CA10: variants seen among roughly 807,000 people sequenced by gnomAD.
The protein encoded by CA10 is carbonic anhydrase-related protein 10.
A neutral mutation model predicts 44.2 loss-of-function variants in CA10; 14 were observed. The ratio of observed to expected loss-of-function variants is 0.32; its 90% CI spans 0.21 to 0.50. CA10 has a LOEUF of 0.50. CA10 is among the 20% of genes least tolerant of loss of function. The pLI is 0.99. For missense variants in CA10, 350 were observed against 409.7 expected, an observed-to-expected ratio of 0.85 and a Z score of 1.26; for synonymous variants, 159 against 141.6, an observed-to-expected ratio of 1.12 and a Z score of -0.87.
At chr17:51,635,773 T>C in intron 7 of CA10, 82 bp downstream of exon 7, 1 of 1,120,348 alleles carries the variant, frequency 8.9e-7, no homozygotes, top group Non-Finnish European at 1.3e-6. Context: ...TAGTAAACTA[T>C]TATAATAGGC....
chr17:51,698,440 A>G (rs1270177786), intron 4 of CA10, among the ~76,000 whole-genome samples: 3 of 152,178 alleles, frequency 2.0e-5, no homozygotes, highest in African/African-American at 7.2e-5. Context: ...GGTATAATTG[A>G]TAGAAGGCAA....
intron 1 of CA10, among the ~76,000 whole-genome samples, chr17:52,138,190 CT>C (rs1989400921): frequency 1.3e-5 from 2 of 152,144 alleles, no homozygotes. Flanking sequence ...CCCTTCCTTC[CT>C]CTTCAAAGCA....
At chr17:51,780,532 A>C (rs1906016900) in intron 3 of CA10, among the ~76,000 whole-genome samples, 1 of 152,184 alleles carries the variant, frequency 6.6e-6, no homozygotes, top group East Asian at 1.9e-4. Flanking sequence ...CATACATATT[A>C]AGTGAGAGCC....
chr17:51,686,862 T>C (rs1915027687), intron 4 of CA10, among the ~76,000 whole-genome samples: 1 of 152,150 alleles, frequency 6.6e-6, no homozygotes, highest in Non-Finnish European at 1.5e-5. Context: ...TCTCACTACC[T>C]ACAGCTACTC....
intron 2 of CA10, among the ~76,000 whole-genome samples, chr17:52,041,457 CAAAT>C (rs1986766630): frequency 6.6e-6 from 1 of 151,932 alleles, no homozygotes; most frequent in Non-Finnish European, 1.5e-5. Flanking sequence ...GTATAATTGA[CAAAT>C]AAAAATTGTA....
At chr17:51,853,277 T>C (rs1978884010) in intron 3 of CA10, among the ~76,000 whole-genome samples, 1 of 152,228 alleles carries the variant, frequency 6.6e-6, no homozygotes, top group South Asian at 2.1e-4. Flanking sequence ...GATCTAATGC[T>C]GAAAGCCTTG....
chr17:52,013,876 A>C (rs546180036), intron 2 of CA10, among the ~76,000 whole-genome samples: 1 of 152,078 alleles, frequency 6.6e-6, no homozygotes, highest in South Asian at 2.1e-4. Flanking sequence ...TAGTTTCCCC[A>C]TTCATGGAGC....
Position 51,803,254 on chromosome 17 carries a change from C to T in CA10, c.280-55436G>A, listed in dbSNP as rs549683788. Among the ~76,000 whole-genome samples, 56 of 152,260 alleles carry T rather than the reference C, an allele frequency of 3.7e-4. 1 individual carries two copies. In the South Asian group the frequency reaches 5.0e-3, roughly 14 times the overall value. ...GATAAGGATGGGGTTTTCTGCCTAGCGATTACTGTAGCAGAAGTGGCCCTA... is the reference window on the plus strand; with the variant it reads ...GATAAGGATGGGGTTTTCTGCCTAGTGATTACTGTAGCAGAAGTGGCCCTA... On this transcript the variant is annotated intron_variant, in intron 3 of 8. Coordinates refer to ENST00000451037, the MANE Select transcript of CA10 (RefSeq NM_020178.5).
chr17:51,964,746 G>A (rs908080556), intron 2 of CA10, among the ~76,000 whole-genome samples: 1 of 151,824 alleles, frequency 6.6e-6, no homozygotes, highest in South Asian at 2.1e-4. Context: ...TCTCTGTGAT[G>A]CAGCAAAAAC....
Position 52,108,222 on chromosome 17 carries a change from AT to A in CA10, c.62-35830del, listed in dbSNP as rs1988710631. ...TATATATATATATATATATATATAT[AT>A]ATAATATGTATATGATGGAATACTA... On this transcript the variant is annotated intron_variant, in intron 1 of 8. Transcript: ENST00000451037. Among the ~76,000 whole-genome samples, 3 of 140,024 alleles carry A rather than the reference AT, an allele frequency of 2.1e-5. No individual in the cohort carries two copies. In the South Asian group the frequency reaches 6.5e-4, roughly 30 times the overall value. The allele number at this position is 140,024 out of a possible 152,430, so 91.9% of individuals were successfully genotyped here.
intron 1 of CA10, among the ~76,000 whole-genome samples, chr17:52,137,474 C>T (rs1989384992): frequency 6.6e-6 from 1 of 152,140 alleles, no homozygotes; most frequent in African/African-American, 2.4e-5. Context: ...TCCTAACTCC[C>T]ATTGTTCAAA....
intron 1 of CA10, among the ~76,000 whole-genome samples, chr17:52,135,502 C>A (rs542954776): frequency 1.3e-5 from 2 of 152,270 alleles, no homozygotes; most frequent in African/African-American, 4.8e-5. Context: ...GACCACGTTT[C>A]TCCTTTCATG....
At chr17:52,139,756 C>T (rs949209439) in intron 1 of CA10, among the ~76,000 whole-genome samples, 11 of 152,084 alleles carry the variant, frequency 7.2e-5, no homozygotes, top group Non-Finnish European at 1.3e-4. Context: ...TCAGTGTTAC[C>T]TGGGTGCCTG....
At chr17:52,070,233 G>A (rs1205320630) in intron 2 of CA10, among the ~76,000 whole-genome samples, 1 of 152,196 alleles carries the variant, frequency 6.6e-6, no homozygotes. Flanking sequence ...GTTGTCCACT[G>A]TGTAGAAACC....
intron 2 of CA10, among the ~76,000 whole-genome samples, chr17:52,052,882 T>TA (rs1987117007): frequency 6.6e-6 from 1 of 151,980 alleles, no homozygotes. Flanking sequence ...TGAAACCGTG[T>TA]AAAGGGCCTT....
intron 4 of CA10, among the ~76,000 whole-genome samples, chr17:51,691,619 T>C (rs1168830179): frequency 6.8e-6 from 1 of 146,994 alleles, no homozygotes; most frequent in Non-Finnish European, 1.5e-5. Flanking sequence ...TGTGTTCATA[T>C]ATAAAAAAAA....
chr17:51,854,258 G>A (rs1283630957), intron 3 of CA10, among the ~76,000 whole-genome samples: 1 of 152,140 alleles, frequency 6.6e-6, no homozygotes, highest in Non-Finnish European at 1.5e-5. Context: ...ACAGGGCAGG[G>A]GTGGCAGCAG....
intron 3 of CA10, among the ~76,000 whole-genome samples, chr17:51,873,001 C>A (rs867085389): frequency 6.6e-6 from 1 of 152,152 alleles, no homozygotes; most frequent in Non-Finnish European, 1.5e-5. Flanking sequence ...TGGTGCTGAT[C>A]AAACACCCAC....
chr17:51,819,897 G>A (rs1476505077), intron 3 of CA10, among the ~76,000 whole-genome samples: 8 of 151,922 alleles, frequency 5.3e-5, no homozygotes, highest in Non-Finnish European at 8.8e-5. Context: ...TCTGTTTCTC[G>A]ATTTCTCTGT....
Sources: allele counts gnomAD v4.1 joint callset (sites outside exome capture counted in the v4.1 genomes callset), GRCh38; gene constraint gnomAD v4.1.1; transcripts MANE v1.5; gene names NCBI Gene and HGNC (gene_info 2026-07-23, HGNC 2026-07-21).